The following PSG6 variants were observed in gnomAD, a reference collection of about 807,000 sequenced individuals.
PSG6 encodes the protein pregnancy specific beta-1-glycoprotein 6.
PSG6 carries 51 observed loss-of-function variants against 43.3 expected under a neutral mutation model. That is an observed-to-expected ratio of 1.18 (90% CI 0.94 to 1.49). The LOEUF (loss-of-function observed/expected upper bound fraction) is 1.49, where lower values mean the gene tolerates loss of function less well. Among genes scored for constraint, PSG6 ranks in the 40% most tolerant of loss-of-function variants. The pLI is 0.00. For missense variants in PSG6, 770 were observed against 522.2 expected, an observed-to-expected ratio of 1.47 and a Z score of -4.62; for synonymous variants, 292 against 197.6, an observed-to-expected ratio of 1.48 and a Z score of -4.01.
At chr19:42,911,045 C>A (rs115797147) in intron 2 of PSG6, among the ~76,000 whole-genome samples, 187 bp from the exon 3 acceptor site, 2 of 151,514 alleles carry the variant, frequency 1.3e-5, no homozygotes, top group Admixed American at 6.6e-5. Context: ...AGGCTGCCTG[C>A]TTTATGTAGG....
At chr19:42,907,294 A>G in intron 4 of PSG6, 118 bp from the exon 5 acceptor site, 1 of 1,497,950 alleles carries the variant, frequency 6.7e-7, no homozygotes, top group Non-Finnish European at 9.0e-7. Flanking sequence ...TGACAGCCAA[A>G]TCCCATCTAT....
In PSG6 at chr19:42,910,865, A is replaced by G. The variant is rs372094111; in HGVS notation, c.428-7T>C. 2.5e-6 allele frequency: 4 copies of G among 1,599,562 alleles called. No homozygotes were observed. The highest frequency in any genetic ancestry group is 2.2e-5 in the East Asian group (1 of 44,654). On this transcript the variant is annotated splice_region_variant and splice_polypyrimidine_tract_variant and intron_variant, in intron 2 of 5. Transcript: ENST00000187910. ...GAGGGCTTGGGAGTCTCCGCTGTGC[A>G]GAAAACAGAGAGAAGATTGCCCTGT...
At chr19:42,910,512 A>G in intron 3 of PSG6, 68 bp downstream of exon 3, 1 of 1,612,426 alleles carries the variant, frequency 6.2e-7, no homozygotes, top group Non-Finnish European at 8.5e-7. Flanking sequence ...AGGGACTGAG[A>G]GGCCTGGCCT....
At chr19:42,910,375 C>T in intron 3 of PSG6, 2 of 1,334,402 alleles carry the variant, frequency 1.5e-6, no homozygotes, top group South Asian at 1.4e-5. Context: ...CCTGAGTCTC[C>T]CATGACAGGA....
rs1972066279 is a variant in PSG6, at chr19:42,903,503, A to G, written c.1241-1057T>C. ...GAATAGAGGAAATTACTGAAACCAA[A>G]AGTTGATTCTTCAAAATAAAATCAA... On this transcript the variant is annotated intron_variant, in intron 5 of 5. Coordinates refer to ENST00000187910, the MANE Select transcript of PSG6 (RefSeq NM_001031850.4). 2.8e-6 allele frequency: 3 copies of G among 1,086,468 alleles called. No individual in the cohort carries two copies. In the East Asian group the frequency reaches 8.9e-5, roughly 32 times the overall value. 67.3% of individuals were successfully genotyped at this position (1,086,468 alleles called of 1,614,324 possible). A position where few individuals can be genotyped will look rare whatever the true frequency, so the allele number is the denominator to read the frequency against.
chr19:42,906,639 T>G, intron 5 of PSG6: 1 of 1,387,558 alleles, frequency 7.2e-7, no homozygotes, highest in East Asian at 2.5e-5. Flanking sequence ...GGACTCTCCT[T>G]CTTGTCCCTC....
intron 1 of PSG6, among the ~76,000 whole-genome samples, 154 bp from the exon 2 acceptor site, chr19:42,916,641 T>A (rs981400168): frequency 2.0e-5 from 3 of 150,848 alleles, no homozygotes; most frequent in Non-Finnish European, 4.4e-5. Flanking sequence ...GGCATGTGTG[T>A]TTGTGTGTGT....
rs774921753 is a variant in PSG6, at chr19:42,912,774, T to A, written c.428-1916A>T. Among the ~76,000 whole-genome samples, 6 of 151,616 alleles carry A rather than the reference T, an allele frequency of 4.0e-5. No individual in the cohort carries two copies. The South Asian group carries it at 1.1e-3, about 27-fold the overall frequency. On this transcript the variant is annotated intron_variant, in intron 2 of 5. Transcript: ENST00000187910. The stretch of plus-strand genomic sequence containing the variant: ...AGTCTAAGTGAGATGCCAATGGCTC[T>A]TGTGTCTCCCCACACGAAGAACTCC...
chr19:42,913,721 T>C (rs1486539808), intron 2 of PSG6, among the ~76,000 whole-genome samples: 1 of 151,738 alleles, frequency 6.6e-6, no homozygotes, highest in Non-Finnish European at 1.5e-5. Context: ...GAAATGTTTC[T>C]CATTCTTTTG....
In PSG6 at chr19:42,912,309, A is replaced by G. The variant is rs1426443389; in HGVS notation, c.428-1451T>C. 1.3e-5 allele frequency among the ~76,000 whole-genome samples: 2 copies of G among 151,656 alleles called. 1 individual carries two copies. The highest frequency in any genetic ancestry group is 2.9e-5 in the Non-Finnish European group (2 of 67,908). On this transcript the variant is annotated intron_variant, in intron 2 of 5. Coordinates refer to ENST00000187910, the MANE Select transcript of PSG6 (RefSeq NM_001031850.4). Reference sequence around the variant, plus strand: ...TATATTCTGACTCTAGTAACAAAAAAAATTTGGAGGAAACCTTAAAATGTT... The same window carrying G: ...TATATTCTGACTCTAGTAACAAAAAGAATTTGGAGGAAACCTTAAAATGTT...
chr19:42,912,417 G>A (rs574269112), intron 2 of PSG6, among the ~76,000 whole-genome samples: 1 of 151,794 alleles, frequency 6.6e-6, no homozygotes, highest in South Asian at 2.1e-4. Flanking sequence ...ACCAAAATAA[G>A]GTTTAGGTGT....
intron 1 of PSG6, among the ~76,000 whole-genome samples, chr19:42,916,784 C>A (rs1388924315): frequency 6.6e-6 from 1 of 151,376 alleles, no homozygotes; most frequent in Non-Finnish European, 1.5e-5. Flanking sequence ...CCCCTCCACA[C>A]TGCCCTCAGG....
intron 2 of PSG6, among the ~76,000 whole-genome samples, chr19:42,913,686 T>C (rs1398286091): frequency 1.3e-5 from 2 of 151,732 alleles, no homozygotes; most frequent in Non-Finnish European, 2.9e-5. Context: ...AACATCACTA[T>C]TGTAGAACGT....
chr19:42,912,985 C>G (rs1439574466), intron 2 of PSG6, among the ~76,000 whole-genome samples: 1 of 151,654 alleles, frequency 6.6e-6, no homozygotes, highest in Non-Finnish European at 1.5e-5. Flanking sequence ...ATTGTCAAAA[C>G]AAAATATTAA....
At chr19:42,903,635 A>G in intron 5 of PSG6, 1 of 1,508,574 alleles carries the variant, frequency 6.6e-7, no homozygotes, top group South Asian at 1.3e-5. Context: ...TCATGTTTTA[A>G]TCCTAGCACT....
intron 5 of PSG6, among the ~76,000 whole-genome samples, chr19:42,902,927 T>A (rs1407297217): frequency 3.3e-5 from 5 of 151,608 alleles, no homozygotes; most frequent in East Asian, 1.9e-4. Context: ...TGGAAAAAGG[T>A]AGGTACTGTT....
At chr19:42,913,343 G>A (rs1350068808) in intron 2 of PSG6, among the ~76,000 whole-genome samples, 1 of 151,576 alleles carries the variant, frequency 6.6e-6, no homozygotes, top group Admixed American at 6.6e-5. Context: ...GTAGAGACGG[G>A]GTTTCACCAT....
rs1290152700 is a variant in PSG6, at chr19:42,912,923, G to A, written c.428-2065C>T. Among the ~76,000 whole-genome samples, 3 of 151,600 alleles carry A rather than the reference G, an allele frequency of 2.0e-5. 1 individual carries two copies. The highest frequency in any genetic ancestry group is 4.8e-5 in the African/African-American group (2 of 41,270). ...CAAACCACAAGTATTCCCGTTAAGTGTATGTGACAGCCTTTGTAGTTGTCC... is the reference window on the plus strand; with the variant it reads ...CAAACCACAAGTATTCCCGTTAAGTATATGTGACAGCCTTTGTAGTTGTCC... On this transcript the variant is annotated intron_variant, in intron 2 of 5. Coordinates refer to ENST00000187910, the MANE Select transcript of PSG6 (RefSeq NM_001031850.4).
chr19:42,902,816 C>T lies in PSG6; in HGVS notation c.1241-370G>A, dbSNP rs149689430. 7.8e-3 allele frequency among the ~76,000 whole-genome samples: 1,180 copies of T among 151,506 alleles called. 41 individuals are homozygous for T. Among genetic ancestry groups the T allele is most frequent in the African/African-American group, 0.026 (1,069 of 41,296 alleles). On this transcript the variant is annotated intron_variant, in intron 5 of 5. Transcript: ENST00000187910. ...ATCTCAGTTGGTAAAAACTAACATA[C>T]CAGACTTGATTCTTTGCACTTAGCT... is the stretch of plus-strand genomic sequence containing the variant.
Sources: allele counts gnomAD v4.1 joint callset (sites outside exome capture counted in the v4.1 genomes callset), GRCh38; gene constraint gnomAD v4.1.1; transcripts MANE v1.5; gene names NCBI Gene and HGNC (gene_info 2026-07-23, HGNC 2026-07-21).